The following YBEY variants were observed in gnomAD, a reference collection of about 807,000 sequenced individuals.
YBEY encodes endoribonuclease YbeY.
YBEY carries 15 observed loss-of-function variants against 13.5 expected under a neutral mutation model. The observed-to-expected ratio is 1.11, with a 90% CI of 0.75 to 1.72. YBEY has a LOEUF of 1.72. YBEY is among the 40% of genes most tolerant of loss of function. The pLI, the probability that YBEY is intolerant of heterozygous loss-of-function variation, is 0.00. For missense variants in YBEY, 244 were observed against 208.4 expected (o/e 1.17, Z -1.05); for synonymous variants, 101 against 83.1 (o/e 1.21, Z -1.17).
Position 46,296,266 on chromosome 21 carries a change from C to T in YBEY, c.408+36C>T, listed in dbSNP as rs572626632. On this transcript the variant is annotated intron_variant, in intron 4 of 4. Coordinates refer to ENST00000397701, the MANE Select transcript of YBEY (RefSeq NM_001314025.2). ...CATCCATCCCACTACCGAGGGGGTGCGTGGGGGAAGGAGGCTCCCCCAGGC... is the reference window on the plus strand; with the variant it reads ...CATCCATCCCACTACCGAGGGGGTGTGTGGGGGAAGGAGGCTCCCCCAGGC... The T allele has an allele frequency of 2.5e-6, 4 of 1,610,884 alleles. No individual in the cohort carries two copies. In the South Asian group the frequency reaches 3.3e-5, roughly 13 times the overall value.
chr21:46,306,986 C>T, the YBEY span, among the ~76,000 whole-genome samples: 1 of 152,096 alleles, frequency 6.6e-6, no homozygotes, highest in African/African-American at 2.4e-5. Flanking sequence ...GCCTCCGCCT[C>T]CCAGGCTCAA....
chr21:46,292,617 TGG>T, intron 3 of YBEY, among the ~76,000 whole-genome samples: 19 of 114,264 alleles, frequency 1.7e-4, no homozygotes, highest in African/African-American at 5.3e-4. Flanking sequence ...CGGGACTCAG[TGG>T]GGACAGCCAC....
At chr21:46,305,312 T>TA in the YBEY span, among the ~76,000 whole-genome samples, 1 of 150,932 alleles carries the variant, frequency 6.6e-6, no homozygotes, top group East Asian at 1.9e-4. Flanking sequence ...TTTTTTTTTT[T>TA]AATCACAAAT....
At chr21:46,309,888 T>C in the YBEY span, among the ~76,000 whole-genome samples, 4 of 151,942 alleles carry the variant, frequency 2.6e-5, no homozygotes, top group African/African-American at 9.7e-5. Context: ...CCCCAGCTAC[T>C]CCAGAGGCTG....
the YBEY span, among the ~76,000 whole-genome samples, chr21:46,308,578 G>C: frequency 2.0e-3 from 308 of 152,318 alleles, 2 homozygotes; most frequent in South Asian, 0.013. Context: ...CGACAGCTTT[G>C]TTGGCCATAA....
In YBEY at chr21:46,297,626, G is replaced by A; in HGVS notation, c.496G>A (p.Gly166Arg). ...GCCCCTGACCCGGGGCCTCTTCGGA[G>A]GGAGCTGAGGGCCGCGTTCCTTCTG... ...LQPLTRGLFG[G>R]S The change falls in exon 5 of 5, where the codon GGG (glycine) becomes AGG (arginine). Residue 166 changes from glycine to arginine, a missense_variant. Transcript: ENST00000397701. 7.6e-7 allele frequency: 1 copy of A among 1,322,702 alleles called. No homozygotes were observed. The highest frequency in any genetic ancestry group is 9.8e-7 in the Non-Finnish European group (1 of 1,023,216). The allele number at this position is 1,322,702 out of a possible 1,614,324, so 81.9% of individuals were successfully genotyped here.
At chr21:46,311,727 C>CCATCCAAACAACCATCCACCCACT in the YBEY span, 3 of 459,864 alleles carry the variant, frequency 6.5e-6, no homozygotes, top group Non-Finnish European at 1.2e-5. Context: ...ATCCACCCAT[C>CCATCCAAACAACCATCCACCCACT]CATCCAACCA....
the YBEY span, among the ~76,000 whole-genome samples, chr21:46,310,482 C>CAA: frequency 1.6e-5 from 2 of 126,748 alleles, no homozygotes; most frequent in African/African-American, 7.6e-5. Context: ...TGTCTCAGAA[C>CAA]AAAAAAAATA....
chr21:46,300,791 T>C, downstream of YBEY: 1 of 1,289,110 alleles, frequency 7.8e-7, no homozygotes, highest in South Asian at 1.2e-5. Flanking sequence ...TGAAAGAATC[T>C]GTCCTAATAG....
the YBEY span, among the ~76,000 whole-genome samples, chr21:46,305,327 CTTT>C: frequency 1.0e-4 from 11 of 109,134 alleles, no homozygotes; most frequent in East Asian, 2.4e-4. Context: ...ACAAATTAAT[CTTT>C]TTTTTTTTTT....
At chr21:46,302,031 C>G, downstream of YBEY, 2 of 1,535,376 alleles carry the variant, frequency 1.3e-6, no homozygotes, top group Non-Finnish European at 1.8e-6. Flanking sequence ...AGGCTGGGGG[C>G]GGGCTGGAGG....
At chr21:46,299,035 ATTTC>A (rs200987708), downstream of YBEY, among the ~76,000 whole-genome samples, 1,059 of 131,324 alleles carry the variant, frequency 8.1e-3, 11 homozygotes, top group South Asian at 0.028. Flanking sequence ...CCAATCCTGT[ATTTC>A]TTTCTTTCTT....
the YBEY span, among the ~76,000 whole-genome samples, chr21:46,311,844 CACCCATCTATCCACCT>C: frequency 6.6e-6 from 1 of 151,118 alleles, no homozygotes; most frequent in Non-Finnish European, 1.5e-5. Flanking sequence ...ACCAACCACC[CACCCATCTATCCACCT>C]ACCCATCCAT....
chr21:46,294,996 G>A (rs918917021), intron 3 of YBEY, among the ~76,000 whole-genome samples: 1 of 152,150 alleles, frequency 6.6e-6, no homozygotes, highest in Non-Finnish European at 1.5e-5. Flanking sequence ...TGCCCGCCAT[G>A]CACACCCTGC....
Position 46,287,019 on chromosome 21 carries a change from G to A in YBEY, c.106G>A (p.Asp36Asn). The stretch of plus-strand genomic sequence containing the variant: ...GAGGATTTTAGGAGTGCAGAAATTT[G>A]ACCTGGGGATCATCTGTGTTGACAA... ...VRRILGVQKFDLGIICVDNKN... is the reference protein window; with the variant it reads ...VRRILGVQKFNLGIICVDNKN... The change falls in exon 2 of 5, where the codon GAC becomes AAC. Residue 36 changes from aspartate (D) to asparagine (N), a missense_variant. By Grantham distance (23) the Asp-to-Asn change is conservative. Coordinates refer to ENST00000397701, the MANE Select transcript of YBEY (RefSeq NM_001314025.2). The A allele has an allele frequency of 1.2e-6, 2 of 1,614,054 alleles. No homozygotes were observed. The highest frequency in any genetic ancestry group is 1.7e-6 in the Non-Finnish European group (2 of 1,180,008).
At chr21:46,295,239 G>A (rs2081911582) in intron 3 of YBEY, among the ~76,000 whole-genome samples, 1 of 152,004 alleles carries the variant, frequency 6.6e-6, no homozygotes, top group Admixed American at 6.6e-5. Context: ...ACCAGCCCAG[G>A]ACCCCATCCT....
intron 2 of YBEY, among the ~76,000 whole-genome samples, chr21:46,289,792 G>C (rs893490048): frequency 6.6e-6 from 1 of 152,180 alleles, no homozygotes; most frequent in Non-Finnish European, 1.5e-5. Flanking sequence ...TAATTGTTTT[G>C]AGATAATGAT....
chr21:46,298,850 G>A (rs61446584), downstream of YBEY, among the ~76,000 whole-genome samples: 1 of 151,646 alleles, frequency 6.6e-6, no homozygotes, highest in Non-Finnish European at 1.5e-5. Flanking sequence ...TCAGCCTCCC[G>A]AGCAGCTGGG....
At chr21:46,298,624 T>G (rs1029564241), downstream of YBEY, among the ~76,000 whole-genome samples, 1 of 151,440 alleles carries the variant, frequency 6.6e-6, no homozygotes, top group African/African-American at 2.4e-5. Context: ...AGAGACGGGG[T>G]TTCACTGTGT....
Sources: allele counts gnomAD v4.1 joint callset (sites outside exome capture counted in the v4.1 genomes callset), GRCh38; gene constraint gnomAD v4.1.1; transcripts MANE v1.5; gene names NCBI Gene and HGNC (gene_info 2026-07-23, HGNC 2026-07-21).